The following XIAP variants were observed in gnomAD, a reference collection of about 807,000 sequenced individuals.
XIAP encodes the protein E3 ubiquitin-protein ligase XIAP.
XIAP carries 3 observed loss-of-function variants against 33.1 expected under a neutral mutation model. The observed-to-expected ratio is 0.09, with a 90% confidence interval of 0.04 to 0.23. The LOEUF (loss-of-function observed/expected upper bound fraction) is 0.23, where lower values mean the gene tolerates loss of function less well. XIAP is among the 10% of genes least tolerant of loss of function. The pLI is 1.00. For synonymous variants in XIAP, 98 were observed against 121.3 expected, an observed-to-expected ratio of 0.81 and a Z score of 1.26; for missense variants, 264 against 363.0, an observed-to-expected ratio of 0.73 and a Z score of 2.22.
intron 5 of XIAP, among the ~76,000 whole-genome samples, chrX:123,893,539 T>C (rs759761885): frequency 3.7e-5 from 4 of 109,231 alleles, no homozygotes; most frequent in Non-Finnish European, 7.6e-5. Context: ...AAAACAAAAA[T>C]GAAAAAAATA....
Position 123,909,069 on chromosome X carries a change from C to T in XIAP, c.*1888C>T. 1 of 284,190 alleles carries T rather than the reference C, an allele frequency of 3.5e-6. No homozygotes were observed. Among genetic ancestry groups the T allele is most frequent in the Non-Finnish European group, 6.6e-6 (1 of 152,342 alleles). 23.4% of individuals were successfully genotyped at this position (284,190 alleles called of 1,213,427 possible). ...TTTTGAGATGGAGTCTTGCTTGTCACCCAGGCTGGAGTGCAGTGGAGTGAT... is the reference window on the plus strand; with the variant it reads ...TTTTGAGATGGAGTCTTGCTTGTCATCCAGGCTGGAGTGCAGTGGAGTGAT... On this transcript the variant is annotated 3_prime_UTR_variant, in exon 7 of 7. Transcript: ENST00000371199.
chrX:123,899,203 G>C (rs188664478), intron 5 of XIAP, among the ~76,000 whole-genome samples: 1 of 21,922 alleles, frequency 4.6e-5, no homozygotes, highest in East Asian at 1.1e-3. Context: ...ATATATGATT[G>C]TGTATATATA....
chrX:123,868,935 A>G (rs1333861821), intron 1 of XIAP, among the ~76,000 whole-genome samples: 1 of 111,081 alleles, frequency 9.0e-6, no homozygotes, highest in African/African-American at 3.3e-5. Context: ...TGATTTTGGT[A>G]TGATTTGGTA....
intron 1 of XIAP, among the ~76,000 whole-genome samples, chrX:123,876,561 A>C (rs762732704): frequency 9.0e-6 from 1 of 110,612 alleles, no homozygotes; most frequent in African/African-American, 3.3e-5. Flanking sequence ...TAAAATTAGC[A>C]GGGCATGGTG....
At position 123,885,730 on chromosome X, in the gene XIAP, T is replaced by C; in HGVS notation, c.68T>C (p.Phe23Ser). The change falls in exon 2 of 7, where the codon TTT becomes TCT. Residue 23 changes from phenylalanine to serine, a missense_variant. Transcript: ENST00000371199. ...VPADINKEEEFVEEFNRLKTF... is the reference protein window; with the variant it reads ...VPADINKEEESVEEFNRLKTF... ...GCAGACATCAATAAGGAAGAAGAAT[T>C]TGTAGAAGAGTTTAATAGATTAAAA... 8.3e-7 allele frequency: 1 copy of C among 1,211,151 alleles called. No individual in the cohort carries two copies. Among genetic ancestry groups the C allele is most frequent in the Non-Finnish European group, 1.1e-6 (1 of 895,211 alleles).
rs989350571 is a variant in XIAP, at chrX:123,912,382, C to T, written c.*5201C>T. The stretch of plus-strand genomic sequence containing the variant: ...AAAAAGCAATTATTTTTAAACCAAC[C>T]TAATATATTGTATTAGGTATTAAAG... On this transcript the variant is annotated 3_prime_UTR_variant, in exon 7 of 7. Coordinates refer to ENST00000371199, the MANE Select transcript of XIAP (RefSeq NM_001167.4). The T allele has an allele frequency of 2.2e-5, 7 of 319,511 alleles. No homozygotes were observed. Among genetic ancestry groups the T allele is most frequent in the African/African-American group, 1.4e-4 (5 of 36,574 alleles). The allele number at this position is 319,511 out of a possible 1,213,427, so 26.3% of individuals were successfully genotyped here. A position where few individuals can be genotyped will look rare whatever the true frequency, so the allele number is the denominator to read the frequency against.
At chrX:123,891,398 ATT>A in intron 4 of XIAP, 82 bp downstream of exon 4, 1 of 467,423 alleles carries the variant, frequency 2.1e-6, no homozygotes, top group Non-Finnish European at 3.5e-6. Flanking sequence ...ATATTATATC[ATT>A]TGTTTTATAG....
intron 5 of XIAP, among the ~76,000 whole-genome samples, chrX:123,894,737 C>T (rs2053443495): frequency 1.8e-5 from 2 of 108,837 alleles, no homozygotes; most frequent in Admixed American, 2.0e-4. Context: ...CATTGCACTA[C>T]ACCCTGGGCA....
intron 5 of XIAP, among the ~76,000 whole-genome samples, chrX:123,894,142 G>A (rs1264582886): frequency 8.9e-6 from 1 of 112,157 alleles, no homozygotes. Context: ...TGTAAGTTTT[G>A]GTTTGTTTAC....
chrX:123,911,055 C>T lies in XIAP; in HGVS notation c.*3874C>T. 2.1e-5 allele frequency: 7 copies of T among 328,848 alleles called. No homozygotes were observed. Among genetic ancestry groups the T allele is most frequent in the South Asian group, 1.8e-4 (7 of 38,461 alleles). The allele number at this position is 328,848 out of a possible 1,213,427, so 27.1% of individuals were successfully genotyped here. A position where few individuals can be genotyped will look rare whatever the true frequency, so the allele number is the denominator to read the frequency against. The stretch of plus-strand genomic sequence containing the variant: ...AAAGTTCCTGCTGTAAATATGAACT[C>T]CCATCCTAATACCCTTTTACCTCTC... On this transcript the variant is annotated 3_prime_UTR_variant, in exon 7 of 7. Coordinates refer to ENST00000371199, the MANE Select transcript of XIAP (RefSeq NM_001167.4).
At chrX:123,872,689 A>C (rs1368646015) in intron 1 of XIAP, 1 of 110,874 alleles carries the variant, frequency 9.0e-6, no homozygotes, top group Non-Finnish European at 1.9e-5. Context: ...CTCCATCACA[A>C]AAAAAGAAAC....
chrX:123,891,555 A>G (rs1021505878), intron 4 of XIAP, among the ~76,000 whole-genome samples: 8 of 111,396 alleles, frequency 7.2e-5, no homozygotes, highest in African/African-American at 2.6e-4. Flanking sequence ...AGTGTTTCAC[A>G]CCTGTAATTC....
intron 5 of XIAP, among the ~76,000 whole-genome samples, chrX:123,898,431 C>T (rs948747757): frequency 3.6e-5 from 4 of 111,427 alleles, no homozygotes; most frequent in Admixed American, 9.5e-5. Flanking sequence ...GGCGCGATCT[C>T]GGCTCACCGC....
intron 3 of XIAP, among the ~76,000 whole-genome samples, chrX:123,889,841 T>C (rs1278523820): frequency 6.4e-5 from 7 of 109,854 alleles, no homozygotes; most frequent in Non-Finnish European, 1.3e-4. Flanking sequence ...AATTTTTAAA[T>C]ACAGATTAGG....
chrX:123,911,973 G>T lies in XIAP; in HGVS notation c.*4792G>T, dbSNP rs2053606542. Reference sequence around the variant, plus strand: ...TTTGTGCAAAGATTATAGCTAATTAGTAGCAGAGCCCTGACTGGGACATAG... The same window carrying T: ...TTTGTGCAAAGATTATAGCTAATTATTAGCAGAGCCCTGACTGGGACATAG... On this transcript the variant is annotated 3_prime_UTR_variant, in exon 7 of 7. Coordinates refer to ENST00000371199, the MANE Select transcript of XIAP (RefSeq NM_001167.4). The T allele has an allele frequency of 3.0e-6, 1 of 328,982 alleles. No homozygotes were observed. The allele number at this position is 328,982 out of a possible 1,213,427, so 27.1% of individuals were successfully genotyped here.
chrX:123,865,449 C>T (rs904543258), intron 1 of XIAP, among the ~76,000 whole-genome samples: 4 of 110,139 alleles, frequency 3.6e-5, no homozygotes, highest in Admixed American at 9.7e-5. Flanking sequence ...ATTTTAAGGC[C>T]GGGCGTGGTG....
At chrX:123,884,042 A>G (rs1287385549) in intron 1 of XIAP, among the ~76,000 whole-genome samples, 1 of 112,232 alleles carries the variant, frequency 8.9e-6, no homozygotes, top group African/African-American at 3.2e-5. Context: ...GAGGTATATG[A>G]GTTAATACCA....
chrX:123,897,105 A>G (rs1363968152), intron 5 of XIAP, among the ~76,000 whole-genome samples: 2 of 106,273 alleles, frequency 1.9e-5, no homozygotes, highest in African/African-American at 6.9e-5. Context: ...CTAATTTTGT[A>G]TTTTTAGTAG....
At chrX:123,881,885 C>T (rs2053307804) in intron 1 of XIAP, among the ~76,000 whole-genome samples, 1 of 109,738 alleles carries the variant, frequency 9.1e-6, no homozygotes, top group Non-Finnish European at 1.9e-5. Context: ...TCCCAAGTAG[C>T]TGGGATTATA....
Sources: gnomAD v4.1 joint callset for allele counts (sites outside exome capture counted in the v4.1 genomes callset) on GRCh38, gnomAD v4.1.1 for gene constraint, MANE v1.5 for transcripts, NCBI Gene and HGNC (gene_info 2026-07-23, HGNC 2026-07-21) for gene names.